The following ZFP92 variants were observed in gnomAD, a reference collection of about 807,000 sequenced individuals.
The protein encoded by ZFP92 is zinc finger protein 92 homolog.
In ZFP92, 2 loss-of-function variants were observed where a neutral mutation model predicts 7.6. The ratio of observed to expected loss-of-function variants is 0.26; its 90% CI spans 0.11 to 0.83. The LOEUF (loss-of-function observed/expected upper bound fraction) is 0.83. Ranked by LOEUF, ZFP92 falls within the 40% of genes least tolerant of loss-of-function variation. ZFP92 has a pLI of 0.65. For synonymous variants in ZFP92, 226 were observed against 183.6 expected (o/e 1.23, Z -1.87); for missense variants, 324 against 408.3 (o/e 0.79, Z 1.78).
chrX:153,412,430 C>T (rs1197566428), intron 2 of ZFP92, among the ~76,000 whole-genome samples: 2 of 112,635 alleles, frequency 1.8e-5, no homozygotes, highest in East Asian at 5.6e-4. Context: ...CCCTGTTGTT[C>T]TCGTTCTAGT....
intron 2 of ZFP92, among the ~76,000 whole-genome samples, chrX:153,414,924 G>A (rs1449844217): frequency 8.8e-6 from 1 of 113,007 alleles, no homozygotes; most frequent in Non-Finnish European, 1.9e-5. Context: ...ACAGCTTTTT[G>A]TTCTGTATAG....
intron 2 of ZFP92, 22 bp from the exon 3 acceptor site, chrX:153,418,283 G>A (rs781813673): frequency 6.9e-6 from 8 of 1,167,027 alleles, no homozygotes; most frequent in South Asian, 1.9e-5. Flanking sequence ...GGCTCACAGG[G>A]GGCTCTTTGC....
At chrX:153,420,142 C>T (rs2014783548) in intron 4 of ZFP92, 86 bp from the exon 5 acceptor site, 1 of 695,280 alleles carries the variant, frequency 1.4e-6, no homozygotes, top group African/African-American at 2.2e-5. Context: ...TCTCTGTTAC[C>T]TGAAGATATT....
rs1423574129 is a variant in ZFP92 at position 153,421,505 on chromosome X, G to T, written c.1128G>T (p.Ala376=). 11 of 1,144,076 alleles carry T rather than the reference G, an allele frequency of 9.6e-6. No homozygotes were observed. The highest frequency in any genetic ancestry group is 1.0e-5 in the Non-Finnish European group (9 of 867,129). 94.3% of individuals were successfully genotyped at this position (1,144,076 alleles called of 1,213,427 possible). ...HQAVHGARRP[A]KAETARRLAG... The stretch of plus-strand genomic sequence containing the variant: ...CAGTGCACGGCGCCAGGCGCCCTGC[G>T]AAGGCGGAGACGGCGCGGAGGCTAG... The change falls in exon 6 of 6, where the codon GCG becomes GCT. Residue 376 remains alanine (A), a synonymous_variant. Coordinates refer to ENST00000338647, the MANE Select transcript of ZFP92 (RefSeq NM_001136273.2).
rs1011990516 is a variant in ZFP92, at chrX:153,421,121, C to T, written c.744C>T (p.Ser248=). ...ACTGCGGCAAACTGTTCCGCCGCAG[C>T]TTCGCGCTCCTGGAGCACGCGCGCG... ...CGDCGKLFRR[S]FALLEHARVH... Residue 248 remains serine, a synonymous_variant, in exon 6 of 6, where the codon AGC becomes AGT. Transcript: ENST00000338647. 1.1e-5 allele frequency: 13 copies of T among 1,175,786 alleles called. No homozygotes were observed. Among genetic ancestry groups the T allele is most frequent in the African/African-American group, 1.8e-5 (1 of 56,609 alleles).
intron 2 of ZFP92, among the ~76,000 whole-genome samples, chrX:153,417,308 G>A (rs1441805245): frequency 1.8e-5 from 2 of 112,415 alleles, no homozygotes; most frequent in Non-Finnish European, 3.8e-5. Flanking sequence ...AATGCCAAAT[G>A]CAGGACCATC....
intron 2 of ZFP92, among the ~76,000 whole-genome samples, chrX:153,414,163 A>G (rs1556973416): frequency 8.9e-6 from 1 of 112,587 alleles, no homozygotes; most frequent in African/African-American, 3.2e-5. Context: ...CAATAATTTT[A>G]TACTAGTCTG....
Position 153,420,332 on chromosome X carries a change from G to C in ZFP92, c.265G>C (p.Gly89Arg), listed in dbSNP as rs1402217572. The C allele has an allele frequency of 2.7e-5, 31 of 1,160,450 alleles. No homozygotes were observed. The highest frequency in any genetic ancestry group is 3.1e-5 in the Non-Finnish European group (27 of 868,271). ...CTGGGCCACCGCAGGATTGCACATA[G>C]GTGAGTGAGAGGTGCTCAACCAGCT... ...RTWATAGLHIGDRTQSKTSTS... is the reference protein window; with the variant it reads ...RTWATAGLHIRDRTQSKTSTS... The change falls in exon 5 of 6, where the codon GGT (glycine) becomes CGT (arginine). Residue 89 changes from glycine to arginine, a missense_variant and splice_region_variant. Physicochemically the swap from Gly to Arg is moderately radical, Grantham distance 125. Transcript: ENST00000338647.
intron 2 of ZFP92, among the ~76,000 whole-genome samples, chrX:153,412,661 T>C (rs781831305): frequency 9.0e-6 from 1 of 111,534 alleles, no homozygotes; most frequent in Non-Finnish European, 1.9e-5. Context: ...AGGAATCCCC[T>C]GTACAAAGGC....
rs1556974818 is a variant in ZFP92 at position 153,420,891 on chromosome X, A to C, written c.514A>C (p.Ile172Leu). The C allele has an allele frequency of 5.1e-6, 6 of 1,188,094 alleles. No homozygotes were observed. The Admixed American group carries it at 1.4e-4, about 28-fold the overall frequency. Reference sequence around the variant, plus strand: ...CAGCTCCAACCTCATCAAGCACCGCATCATCCACAGTGGCGAGAAGCCTTA... The same window carrying C: ...CAGCTCCAACCTCATCAAGCACCGCCTCATCCACAGTGGCGAGAAGCCTTA... ...SRSSNLIKHR[I>L]IHSGEKPYAC... Residue 172 changes from isoleucine (I) to leucine (L), a missense_variant, in exon 6 of 6, where the codon ATC becomes CTC. Coordinates refer to ENST00000338647, the MANE Select transcript of ZFP92 (RefSeq NM_001136273.2).
intron 2 of ZFP92, among the ~76,000 whole-genome samples, chrX:153,413,065 C>A (rs368075831): frequency 3.6e-5 from 4 of 110,801 alleles, no homozygotes; most frequent in African/African-American, 1.3e-4. Context: ...GCCAGGTGGG[C>A]AGCAGGTGAC....
Position 153,424,228 on chromosome X carries a change from G to C in ZFP92, c.*2600G>C, listed in dbSNP as rs1309872769. The C allele has an allele frequency of 8.9e-6, 1 of 111,846 alleles. No individual in the cohort carries two copies. The highest frequency in any genetic ancestry group is 3.3e-5 in the African/African-American group (1 of 30,721). The allele number at this position is 111,846 out of a possible 1,213,427, so 9.2% of individuals were successfully genotyped here. On this transcript the variant is annotated 3_prime_UTR_variant, in exon 6 of 6. Coordinates refer to ENST00000338647, the MANE Select transcript of ZFP92 (RefSeq NM_001136273.2). Reference sequence around the variant, plus strand: ...GCTGGGCACTTGCACTGTGACTTTGGAGTGCCGGGAAAAGTTCCAGGGTCC... The same window carrying C: ...GCTGGGCACTTGCACTGTGACTTTGCAGTGCCGGGAAAAGTTCCAGGGTCC...
chrX:153,416,760 G>C (rs2088955040), intron 2 of ZFP92, among the ~76,000 whole-genome samples: 1 of 111,855 alleles, frequency 8.9e-6, no homozygotes, highest in Non-Finnish European at 1.9e-5. Context: ...AATTTATAAA[G>C]AGAAAAGGTT....
At chrX:153,417,588 G>A (rs781834718) in intron 2 of ZFP92, among the ~76,000 whole-genome samples, 6 of 112,057 alleles carry the variant, frequency 5.4e-5, no homozygotes, top group East Asian at 2.8e-4. Flanking sequence ...GTCAGGGGAC[G>A]CTGGCCACAT....
Position 153,421,589 on chromosome X carries a change from G to A in ZFP92, c.1212G>A (p.Pro404=), listed in dbSNP as rs1254505947. 88 of 1,033,147 alleles carry A rather than the reference G, an allele frequency of 8.5e-5. No homozygotes were observed. Among genetic ancestry groups the A allele is most frequent in the Non-Finnish European group, 1.0e-4 (85 of 815,046 alleles). 85.1% of individuals were successfully genotyped at this position (1,033,147 alleles called of 1,213,427 possible). ...TGGCGGCCACCAGCCCCCCGCGGCCGAGCACAGCCGCCAGGCCTTCCAGGC... is the reference window on the plus strand; with the variant it reads ...TGGCGGCCACCAGCCCCCCGCGGCCAAGCACAGCCGCCAGGCCTTCCAGGC... ...SAVAATSPPR[P]STAARPSRPS... The change falls in exon 6 of 6, where the codon CCG becomes CCA. Residue 404 remains proline, a synonymous_variant. Coordinates refer to ENST00000338647, the MANE Select transcript of ZFP92 (RefSeq NM_001136273.2).
At chrX:153,418,565 G>C (rs2088973938) in intron 3 of ZFP92, 108 bp from the exon 4 acceptor site, 11 of 1,073,121 alleles carry the variant, frequency 1.0e-5, no homozygotes, top group Non-Finnish European at 1.1e-5. Flanking sequence ...CTTTCCACCT[G>C]CTGAGCCTTC....
At position 153,421,786 on chromosome X, in the gene ZFP92, G is replaced by A. The variant is rs921964560; in HGVS notation, c.*158G>A. ...TGGCCATCAGAAGACCCCAGGCAGAGCCTCACCCTGAGGCTGAGAAACGCA... is the reference window on the plus strand; with the variant it reads ...TGGCCATCAGAAGACCCCAGGCAGAACCTCACCCTGAGGCTGAGAAACGCA... On this transcript the variant is annotated 3_prime_UTR_variant, in exon 6 of 6. Transcript: ENST00000338647. 2 of 675,736 alleles carry A rather than the reference G, an allele frequency of 3.0e-6. No individual in the cohort carries two copies. The highest frequency in any genetic ancestry group is 3.8e-6 in the Non-Finnish European group (2 of 531,741). 55.7% of individuals were successfully genotyped at this position (675,736 alleles called of 1,213,427 possible). A position where few individuals can be genotyped will look rare whatever the true frequency, so the allele number is the denominator to read the frequency against.
rs2089028229 is a variant in ZFP92, at chrX:153,424,300, A to AT, written c.*2673dup. 1 of 112,092 alleles carries AT rather than the reference A, an allele frequency of 8.9e-6. No individual in the cohort carries two copies. Among genetic ancestry groups the AT allele is most frequent in the Non-Finnish European group, 1.9e-5 (1 of 53,231 alleles). 9.2% of individuals were successfully genotyped at this position (112,092 alleles called of 1,213,427 possible). ...GGCATTTAAAATAGTGCAGCCTTTT[A>AT]TCATTGCTTAGTCTAATTTAGCTCC... On this transcript the variant is annotated 3_prime_UTR_variant, in exon 6 of 6. Coordinates refer to ENST00000338647, the MANE Select transcript of ZFP92 (RefSeq NM_001136273.2).
chrX:153,416,564 A>G (rs1162111700), intron 2 of ZFP92, among the ~76,000 whole-genome samples: 6 of 111,528 alleles, frequency 5.4e-5, no homozygotes, highest in Non-Finnish European at 5.6e-5. Context: ...TTGTTGGCAC[A>G]AACAAACTGT....
Sources: allele counts gnomAD v4.1 joint callset (sites outside exome capture counted in the v4.1 genomes callset), GRCh38; gene constraint gnomAD v4.1.1; transcripts MANE v1.5; gene names NCBI Gene and HGNC (gene_info 2026-07-23, HGNC 2026-07-21).